KAT6B: variants seen among roughly 807,000 people sequenced by gnomAD.
KAT6B encodes the protein lysine acetyltransferase 6B.
KAT6B carries 10 observed loss-of-function variants against 187.5 expected under a neutral mutation model. The ratio of observed to expected loss-of-function variants is 0.05; its 90% CI spans 0.03 to 0.09. KAT6B has a LOEUF of 0.09. Ranked by LOEUF, KAT6B falls within the 10% of genes least tolerant of loss-of-function variation. The probability of loss-of-function intolerance (pLI) is 1.00; values close to 1 mark genes in which losing one functional copy is unlikely to be tolerated. For synonymous variants in KAT6B, 861 were observed against 926.8 expected (o/e 0.93, Z 1.29); for missense variants, 1,952 against 2,558.9 (o/e 0.76, Z 5.12).
chr10:75,011,737 C>T (rs963001297), intron 13 of KAT6B, among the ~76,000 whole-genome samples: 2 of 152,038 alleles, frequency 1.3e-5, no homozygotes, highest in African/African-American at 4.8e-5. Context: ...TCTTCTAATC[C>T]ACTAGACCAG....
At chr10:74,843,896 CAG>C (rs1309314990) in intron 3 of KAT6B, among the ~76,000 whole-genome samples, 2 of 152,192 alleles carry the variant, frequency 1.3e-5, no homozygotes, top group African/African-American at 2.4e-5. Flanking sequence ...TTTTTTGAGA[CAG>C]AATCTAGCTC....
intron 10 of KAT6B, among the ~76,000 whole-genome samples, chr10:74,980,186 T>C (rs1842420586): frequency 6.6e-6 from 1 of 151,916 alleles, no homozygotes; most frequent in Non-Finnish European, 1.5e-5. Context: ...AAGGAGAAAA[T>C]AATGGTATCC....
intron 13 of KAT6B, among the ~76,000 whole-genome samples, chr10:75,010,731 C>CG (rs1388960379): frequency 6.6e-6 from 1 of 152,204 alleles, no homozygotes; most frequent in African/African-American, 2.4e-5. Flanking sequence ...CCTCCACCAT[C>CG]GGTCTGTGGG....
At chr10:74,928,395 A>C (rs1388490587) in intron 3 of KAT6B, among the ~76,000 whole-genome samples, 1 of 152,226 alleles carries the variant, frequency 6.6e-6, no homozygotes, top group Non-Finnish European at 1.5e-5. Context: ...AGATTTATGC[A>C]TGTGAAACAG....
At chr10:74,826,973 C>G (rs1412894951) in intron 1 of KAT6B, among the ~76,000 whole-genome samples, 188 bp downstream of exon 1, 1 of 145,038 alleles carries the variant, frequency 6.9e-6, no homozygotes, top group African/African-American at 2.6e-5. Flanking sequence ...GGAGGAGGGA[C>G]AGGCCCCGCC....
At chr10:74,871,162 A>AG (rs1843920957) in intron 3 of KAT6B, among the ~76,000 whole-genome samples, 1 of 133,516 alleles carries the variant, frequency 7.5e-6, no homozygotes, top group Non-Finnish European at 1.5e-5. Context: ...CTGGGATGAC[A>AG]GGTGTGAGCC....
Position 74,986,404 on chromosome 10 carries a change from A to T in KAT6B, c.2535+1163A>T, listed in dbSNP as rs778900002. Among the ~76,000 whole-genome samples, 289 of 152,236 alleles carry T rather than the reference A, an allele frequency of 1.9e-3. 16 individuals carry two copies. Among genetic ancestry groups the T allele is most frequent in the Admixed American group, 9.2e-4 (14 of 15,286 alleles). On this transcript the variant is annotated intron_variant, in intron 12 of 17. Coordinates refer to ENST00000287239, the MANE Select transcript of KAT6B (RefSeq NM_012330.4). The stretch of plus-strand genomic sequence containing the variant: ...GATATTTTTTTATATTAGGTGATAC[A>T]TGAATTTTAATGAATCTGCTCTTGC...
upstream of KAT6B, among the ~76,000 whole-genome samples, chr10:74,825,830 C>T (rs1052617465): frequency 3.9e-4 from 59 of 151,572 alleles, no homozygotes; most frequent in Middle Eastern, 6.8e-3. The surrounding 1 kb of genome is among the most constrained non-coding windows in gnomAD (Gnocchi z 5.0). Context: ...CATCGTTCTG[C>T]CTGCACCCGG....
At position 74,989,089 on chromosome 10, in the gene KAT6B, T is replaced by C. The variant is rs749461514; in HGVS notation, c.2606T>C (p.Phe869Ser). Residue 869 changes from phenylalanine (F) to serine (S), a missense_variant, in exon 13 of 18, where the codon TTT becomes TCT. Phe to Ser is a radical substitution (Grantham distance 155). Transcript: ENST00000287239. ...MIMPQHQRQGFGRFLIDFSYL... is the reference protein window; with the variant it reads ...MIMPQHQRQGSGRFLIDFSYL... ...ATGCCCCAGCACCAAAGGCAAGGATTTGGACGGTTTCTCATTGATTTCAGT... is the reference window on the plus strand; with the variant it reads ...ATGCCCCAGCACCAAAGGCAAGGATCTGGACGGTTTCTCATTGATTTCAGT... The C allele has an allele frequency of 6.2e-7, 1 of 1,613,648 alleles. No homozygotes were observed. Among genetic ancestry groups the C allele is most frequent in the Non-Finnish European group, 8.5e-7 (1 of 1,179,512 alleles).
chr10:74,931,048 G>T (rs763250314), intron 3 of KAT6B, among the ~76,000 whole-genome samples: 2 of 152,134 alleles, frequency 1.3e-5, no homozygotes, highest in Non-Finnish European at 2.9e-5. Flanking sequence ...GAGAACAAGC[G>T]CAATTAAGCA....
chr10:74,977,658 A>G (rs951481805), intron 9 of KAT6B, among the ~76,000 whole-genome samples: 2 of 152,248 alleles, frequency 1.3e-5, no homozygotes, highest in Non-Finnish European at 2.9e-5. Flanking sequence ...TGGTCTCACA[A>G]AATAAAACAG....
chr10:74,849,781 T>C (rs1842349533), intron 3 of KAT6B, among the ~76,000 whole-genome samples: 1 of 152,220 alleles, frequency 6.6e-6, no homozygotes. Context: ...GGAGGTAGAT[T>C]ATTACCCTTA....
intron 3 of KAT6B, among the ~76,000 whole-genome samples, chr10:74,853,130 T>C (rs947297553): frequency 1.7e-4 from 23 of 131,728 alleles, no homozygotes; most frequent in African/African-American, 7.1e-5. Flanking sequence ...TTTTTTTTTT[T>C]CTGAGACAGG....
intron 3 of KAT6B, among the ~76,000 whole-genome samples, chr10:74,895,740 G>T (rs540361012): frequency 7.9e-5 from 12 of 152,132 alleles, no homozygotes; most frequent in African/African-American, 2.2e-4. Context: ...AAGTTTCACC[G>T]TGTTGGCCAG....
At chr10:74,986,971 G>T (rs1466716177) in intron 12 of KAT6B, among the ~76,000 whole-genome samples, 1 of 152,134 alleles carries the variant, frequency 6.6e-6, no homozygotes, top group Non-Finnish European at 1.5e-5. Context: ...TTGAATTTCT[G>T]CCTCTCTTCC....
chr10:74,826,818 A>C (rs1462988495), intron 1 of KAT6B, 33 bp downstream of exon 1: 2 of 142,802 alleles, frequency 1.4e-5, no homozygotes, highest in Admixed American at 1.4e-4. Flanking sequence ...TCCCAGGGGG[A>C]GGAGACTGGG....
At chr10:74,869,195 A>G (rs1008979670) in intron 3 of KAT6B, among the ~76,000 whole-genome samples, 8 of 151,986 alleles carry the variant, frequency 5.3e-5, no homozygotes, top group African/African-American at 1.7e-4. Context: ...AGATTTGTTT[A>G]TGCGCGTGTC....
chr10:74,895,136 A>G (rs1304167180), intron 3 of KAT6B, among the ~76,000 whole-genome samples: 1 of 151,470 alleles, frequency 6.6e-6, no homozygotes, highest in Non-Finnish European at 1.5e-5. Flanking sequence ...TTCTCTAATG[A>G]TTAGTGATGT....
intron 1 of KAT6B, among the ~76,000 whole-genome samples, chr10:74,827,914 G>A (rs1028687794): frequency 6.6e-6 from 1 of 152,076 alleles, no homozygotes; most frequent in African/African-American, 2.4e-5. Context: ...GCCCACCTCT[G>A]CCTGACTGAT....
Sources: gnomAD v4.1 joint callset for allele counts (sites outside exome capture counted in the v4.1 genomes callset) on GRCh38, gnomAD v4.1.1 for gene constraint, Gnocchi (gnomAD v3.1) non-coding constraint, MANE v1.5 for transcripts, NCBI Gene and HGNC (gene_info 2026-07-23, HGNC 2026-07-21) for gene names.